Variants in TENM3 observed in about 807,000 individuals in gnomAD.
TENM3 encodes teneurin-3.
A neutral mutation model predicts 255.1 loss-of-function variants in TENM3; 63 were observed. The ratio of observed to expected loss-of-function variants is 0.25; its 90% CI spans 0.20 to 0.30. The LOEUF (loss-of-function observed/expected upper bound fraction) is 0.30. Ranked by LOEUF, TENM3 falls within the 10% of genes least tolerant of loss-of-function variation. The pLI, the probability that TENM3 is intolerant of heterozygous loss-of-function variation, is 1.00. For missense variants in TENM3, 2,929 were observed against 3,461.1 expected (o/e 0.85, Z 3.86); for synonymous variants, 1,306 against 1,322.3 (o/e 0.99, Z 0.27).
chr4:181,944,918 G>C, the TENM3 span, among the ~76,000 whole-genome samples: 1 of 151,910 alleles, frequency 6.6e-6, no homozygotes, highest in African/African-American at 2.4e-5. Flanking sequence ...ACTATTCCAC[G>C]GAGCCCTCCA....
Position 182,346,760 on chromosome 4 carries a change from A to G in TENM3, c.342A>G (p.Ala114=), listed in dbSNP as rs376166003. 6.2e-7 allele frequency: 1 copy of G among 1,613,618 alleles called. No individual in the cohort carries two copies. Among genetic ancestry groups the G allele is most frequent in the Non-Finnish European group, 8.5e-7 (1 of 1,179,748 alleles). ...CTCACAGAGGTTACTCTATCAGTGCAGGGTCAGATGCTGATACTGAAAATG... is the reference window on the plus strand; with the variant it reads ...CTCACAGAGGTTACTCTATCAGTGCGGGGTCAGATGCTGATACTGAAAATG... ...GLPHRGYSIS[A]GSDADTENEA... is the part of the protein sequence containing the mutation. The change falls in exon 3 of 28, where the codon GCA becomes GCG. Residue 114 remains alanine (A), a synonymous_variant. Coordinates refer to ENST00000511685, the MANE Select transcript of TENM3 (RefSeq NM_001080477.4).
chr4:182,374,034 G>GTATA lies in TENM3; in HGVS notation c.511+27117_511+27120dup, dbSNP rs58538968. On this transcript the variant is annotated intron_variant, in intron 3 of 27. Coordinates refer to ENST00000511685, the MANE Select transcript of TENM3 (RefSeq NM_001080477.4). The stretch of plus-strand genomic sequence containing the variant: ...AAAACAAGACCTACCAGTGTGTATA[G>GTATA]TATATATATATATATGTATATTTAG... 2.7e-5 allele frequency among the ~76,000 whole-genome samples: 4 copies of GTATA among 150,458 alleles called. No homozygotes were observed. The South Asian group carries it at 6.3e-4, about 24-fold the overall frequency.
chr4:182,356,501 G>C (rs1399535469), intron 3 of TENM3, among the ~76,000 whole-genome samples: 2 of 152,098 alleles, frequency 1.3e-5, no homozygotes, highest in African/African-American at 2.4e-5. Flanking sequence ...GGGATCCAGG[G>C]ATGGAGGTAC....
intron 1 of TENM3, among the ~76,000 whole-genome samples, chr4:182,300,692 G>A (rs1038244400): frequency 1.3e-5 from 2 of 152,144 alleles, no homozygotes; most frequent in African/African-American, 4.8e-5. Flanking sequence ...TCTCTAGCTC[G>A]TTTGGCATAT....
chr4:181,583,011 C>T, the TENM3 span, among the ~76,000 whole-genome samples: 1 of 152,222 alleles, frequency 6.6e-6, no homozygotes, highest in African/African-American at 2.4e-5. Context: ...CCTACCCACA[C>T]ACATGTGCAT....
chr4:182,404,517 C>A (rs1413461208), intron 3 of TENM3, among the ~76,000 whole-genome samples: 1 of 152,154 alleles, frequency 6.6e-6, no homozygotes, highest in African/African-American at 2.4e-5. Context: ...ATGAAGTTGA[C>A]AGTGTATGCC....
intron 1 of TENM3, among the ~76,000 whole-genome samples, chr4:182,263,461 T>C (rs1579944963): frequency 6.6e-6 from 1 of 152,266 alleles, no homozygotes; most frequent in East Asian, 1.9e-4. Context: ...AAAGTCCGCC[T>C]CTGCTAAGAA....
chr4:182,746,113 CA>C (rs1003540038), intron 19 of TENM3, among the ~76,000 whole-genome samples: 6 of 152,090 alleles, frequency 3.9e-5, no homozygotes, highest in Non-Finnish European at 8.8e-5. Context: ...TAATATAAGA[CA>C]AAATACCTCC....
chr4:182,471,627 C>G (rs959811666), intron 3 of TENM3, among the ~76,000 whole-genome samples: 2 of 149,722 alleles, frequency 1.3e-5, no homozygotes, highest in Admixed American at 6.7e-5. Context: ...GCACATGCCT[C>G]TGTGTGTGTG....
At chr4:182,099,202 A>C in the TENM3 span, among the ~76,000 whole-genome samples, 1 of 152,016 alleles carries the variant, frequency 6.6e-6, no homozygotes, top group African/African-American at 2.4e-5. Flanking sequence ...GGGCTCAGGC[A>C]GTCCACCCAC....
At chr4:182,712,944 T>G (rs1439530530) in intron 12 of TENM3, among the ~76,000 whole-genome samples, 1 of 152,240 alleles carries the variant, frequency 6.6e-6, no homozygotes, top group Non-Finnish European at 1.5e-5. Context: ...CTTGCTTCTG[T>G]CAGTGTCATA....
At chr4:181,604,795 T>C in the TENM3 span, among the ~76,000 whole-genome samples, 2 of 152,162 alleles carry the variant, frequency 1.3e-5, no homozygotes, top group African/African-American at 2.4e-5. Context: ...GCCTAAGAGG[T>C]AGCACAGAAT....
At chr4:182,223,126 G>A (rs980270353) in intron 1 of TENM3, among the ~76,000 whole-genome samples, 3 of 152,154 alleles carry the variant, frequency 2.0e-5, no homozygotes, top group Non-Finnish European at 4.4e-5. Context: ...AAGAAACTAT[G>A]GTAGGGGAAA....
the TENM3 span, among the ~76,000 whole-genome samples, chr4:181,480,628 A>G: frequency 2.6e-5 from 4 of 151,818 alleles, no homozygotes; most frequent in African/African-American, 9.7e-5. Context: ...TTTTTGGTAT[A>G]TGTTTAAAAG....
At chr4:182,636,440 G>T (rs988883227) in intron 5 of TENM3, among the ~76,000 whole-genome samples, 4 of 152,084 alleles carry the variant, frequency 2.6e-5, no homozygotes, top group Non-Finnish European at 5.9e-5. Flanking sequence ...AATAACATAT[G>T]CAAATAATAC....
chr4:182,421,213 CTCG>C (rs1346604830), intron 3 of TENM3, among the ~76,000 whole-genome samples: 1 of 152,144 alleles, frequency 6.6e-6, no homozygotes, highest in Non-Finnish European at 1.5e-5. Context: ...CATCTTCACC[CTCG>C]TCATCACCCT....
the TENM3 span, among the ~76,000 whole-genome samples, chr4:181,868,820 G>A: frequency 6.6e-6 from 1 of 152,036 alleles, no homozygotes; most frequent in South Asian, 2.1e-4. Flanking sequence ...TGACAAAATA[G>A]GGTCGCATTT....
the TENM3 span, among the ~76,000 whole-genome samples, chr4:181,846,692 C>T: frequency 6.6e-6 from 1 of 151,916 alleles, no homozygotes; most frequent in Non-Finnish European, 1.5e-5. Flanking sequence ...TTAGTTGATT[C>T]CCTGAACAAA....
At chr4:182,157,479 A>G (rs1186253946) in intron 1 of TENM3, among the ~76,000 whole-genome samples, 4 of 152,208 alleles carry the variant, frequency 2.6e-5, no homozygotes, top group Admixed American at 1.3e-4. Context: ...GAAGAGTCCA[A>G]CAGTAAATAA....
Sources: allele counts gnomAD v4.1 joint callset (sites outside exome capture counted in the v4.1 genomes callset), GRCh38; gene constraint gnomAD v4.1.1; transcripts MANE v1.5; gene names NCBI Gene and HGNC (gene_info 2026-07-23, HGNC 2026-07-21).